Variants in UGT2B7 observed in about 807,000 individuals in gnomAD.
UGT2B7 encodes the protein UDP glucuronosyltransferase family 2 member B7, also known as UDP-glucuronosyltransferase 2B7.
In UGT2B7, 51 loss-of-function variants were observed where a neutral mutation model predicts 51.9. That is an observed-to-expected ratio of 0.98 (90% CI 0.78 to 1.24). UGT2B7 has a LOEUF of 1.24. UGT2B7 is among the 50% of genes most tolerant of loss of function. The pLI is 0.00. For missense variants in UGT2B7, 727 were observed against 628.4 expected (o/e 1.16, Z -1.68); for synonymous variants, 225 against 211.6 (o/e 1.06, Z -0.55).
At chr4:69,090,063 G>T (rs1370622898) in intron 2 of UGT2B7, among the ~76,000 whole-genome samples, 1 of 152,124 alleles carries the variant, frequency 6.6e-6, no homozygotes, top group Non-Finnish European at 1.5e-5. Flanking sequence ...TATAAAAGTA[G>T]AAGCTTAGAT....
rs1374301227 is a variant in UGT2B7, at chr4:69,063,320, A to AAAAAAAAAAAAAG, written c.-159+11730_-159+11731insGAAAAAAAAAAAA. Among the ~76,000 whole-genome samples the AAAAAAAAAAAAAG allele has an allele frequency of 2.9e-3, 393 of 136,446 alleles. 6 individuals carry two copies. The highest frequency in any genetic ancestry group is 1.0e-2 in the African/African-American group (348 of 34,952). The allele number at this position is 136,446 out of a possible 152,430, so 89.5% of individuals were successfully genotyped here. ...GGCGACAGAGCGAGACTCCGTCTCA[A>AAAAAAAAAAAAAG]AAAAAAAAAAAAAAAAAAAGAAACA... On this transcript the variant is annotated intron_variant, in intron 1 of 5. Transcript: ENST00000502942.
chr4:69,070,994 C>A (rs913472575), intron 1 of UGT2B7, among the ~76,000 whole-genome samples: 2 of 152,048 alleles, frequency 1.3e-5, no homozygotes, highest in African/African-American at 4.8e-5. Flanking sequence ...TAAAACTATG[C>A]AAACTAGTAA....
At chr4:69,084,637 G>T (rs1009380966) in intron 1 of UGT2B7, among the ~76,000 whole-genome samples, 2 of 151,786 alleles carry the variant, frequency 1.3e-5, no homozygotes, top group African/African-American at 4.8e-5. Context: ...CGCACGACAG[G>T]CCCCAGTGTG....
Position 69,102,902 on chromosome 4 carries a change from C to T in UGT2B7, c.966C>T (p.Asn322=), listed in dbSNP as rs747540766. 20 of 1,613,304 alleles carry T rather than the reference C, an allele frequency of 1.2e-5. No homozygotes were observed. The East Asian group carries it at 1.6e-4, about 13-fold the overall frequency. ...MVSNMTEERA[N]VIASALAQIP... is the part of the protein sequence containing the mutation. ...GTAACATGACAGAAGAAAGGGCCAA[C>T]GTAATTGCATCAGCCCTGGCCCAGA... Residue 322 remains asparagine (N), a synonymous_variant, in exon 3 of 6, where the codon AAC becomes AAT. Transcript: ENST00000305231.
chr4:69,078,847 A>G (rs904190730), intron 1 of UGT2B7, among the ~76,000 whole-genome samples: 2 of 152,100 alleles, frequency 1.3e-5, no homozygotes, highest in African/African-American at 4.8e-5. Context: ...TTACTGGGGC[A>G]ATAGGAGTCT....
intron 5 of UGT2B7, 119 bp downstream of exon 5, chr4:69,108,441 A>T: frequency 8.2e-7 from 1 of 1,218,572 alleles, no homozygotes; most frequent in South Asian, 1.8e-5. Context: ...AAATGATTTA[A>T]CCAATCTGAA....
At chr4:69,053,025 A>G (rs1718079136) in intron 1 of UGT2B7, among the ~76,000 whole-genome samples, 2 of 152,214 alleles carry the variant, frequency 1.3e-5, no homozygotes, top group South Asian at 4.1e-4. Flanking sequence ...TTTTCTGCGA[A>G]CTAGACATAA....
At chr4:69,084,131 A>G (rs1335359530) in intron 1 of UGT2B7, among the ~76,000 whole-genome samples, 1 of 152,098 alleles carries the variant, frequency 6.6e-6, no homozygotes, top group Admixed American at 6.6e-5. Flanking sequence ...TCTACTGATA[A>G]AATTATATGT....
rs374755484 is a variant in UGT2B7, at chr4:69,097,017, T to C, written c.497T>C (p.Ile166Thr). 6.2e-7 allele frequency: 1 copy of C among 1,613,852 alleles called. No individual in the cohort carries two copies. The highest frequency in any genetic ancestry group is 8.5e-7 in the Non-Finnish European group (1 of 1,179,802). Residue 166 changes from isoleucine to threonine, a missense_variant, in exon 1 of 6, where the codon ATA becomes ACA. Physicochemically the swap from Ile to Thr is moderately conservative, Grantham distance 89. Transcript: ENST00000305231. ...GAGCTGCTGGCTGAGCTATTTAACATACCCTTTGTGTACAGTCTCAGCTTC... is the reference window on the plus strand; with the variant it reads ...GAGCTGCTGGCTGAGCTATTTAACACACCCTTTGTGTACAGTCTCAGCTTC... The part of the protein sequence containing the change: ...CSELLAELFN[I>T]PFVYSLSFSP...
At chr4:69,066,372 C>T (rs983764233) in intron 1 of UGT2B7, 1 of 152,082 alleles carries the variant, frequency 6.6e-6, no homozygotes, top group Non-Finnish European at 1.5e-5. Flanking sequence ...GTGTTCTCAT[C>T]ATTAGGCTCC....
At chr4:69,106,916 C>T (rs1260452185) in intron 3 of UGT2B7, among the ~76,000 whole-genome samples, 1 of 150,522 alleles carries the variant, frequency 6.6e-6, no homozygotes, top group African/African-American at 2.4e-5. Flanking sequence ...AAAGGTGTAA[C>T]AATTTTTTAA....
intron 5 of UGT2B7, among the ~76,000 whole-genome samples, chr4:69,110,499 T>C (rs12642938): frequency 0.59 from 89,711 of 151,860 alleles, 27,876 homozygotes; most frequent in African/African-American, 0.77. Flanking sequence ...ATTATCAATA[T>C]TGTCCAAAAA....
rs754723956 is a variant in UGT2B7 at position 69,064,112 on chromosome 4, A to AAGAAAG, written c.-159+12511_-159+12512insGAAAGA. Among the ~76,000 whole-genome samples the AAGAAAG allele has an allele frequency of 6.0e-3, 523 of 86,468 alleles. 16 individuals carry two copies. Among genetic ancestry groups the AAGAAAG allele is most frequent in the Admixed American group, 6.6e-3 (58 of 8,796 alleles). 56.7% of individuals were successfully genotyped at this position (86,468 alleles called of 152,430 possible). On this transcript the variant is annotated intron_variant, in intron 1 of 5. Coordinates refer to the UGT2B7 transcript ENST00000502942. ...AGAAAGAAAGAGAAAGAAAGAAAGA[A>AAGAAAG]AAAGAAAGAAAGAAAGAAAGAAAGA... is the stretch of plus-strand genomic sequence containing the variant.
chr4:69,098,516 C>CTTTTT, intron 1 of UGT2B7, 24 bp from the exon 2 acceptor site: 2 of 1,474,860 alleles, frequency 1.4e-6, no homozygotes, highest in Non-Finnish European at 9.1e-7. Flanking sequence ...TGTCATCCAC[C>CTTTTT]TTTTTTTTTT....
At chr4:69,062,671 T>C (rs1176833266) in intron 1 of UGT2B7, among the ~76,000 whole-genome samples, 1 of 152,112 alleles carries the variant, frequency 6.6e-6, no homozygotes, top group African/African-American at 2.4e-5. Context: ...ACATTGCCAG[T>C]GGAGATGACA....
At chr4:69,075,667 ACC>A (rs781764845) in intron 1 of UGT2B7, among the ~76,000 whole-genome samples, 343 of 152,280 alleles carry the variant, frequency 2.3e-3, no homozygotes, top group Middle Eastern at 0.01. Context: ...GACTGAGGCT[ACC>A]CAACACTCAG....
rs56902567 is a variant in UGT2B7 at position 69,064,110 on chromosome 4, GAAAA to G, written c.-159+12510_-159+12513del. On this transcript the variant is annotated intron_variant, in intron 1 of 5. Coordinates refer to the UGT2B7 transcript ENST00000502942. ...AAAGAAAGAAAGAGAAAGAAAGAAA[GAAAA>G]AGAAAGAAAGAAAGAAAGAAAGAAA... Among the ~76,000 whole-genome samples the G allele has an allele frequency of 1.1e-3, 91 of 82,702 alleles. 3 individuals are homozygous for G. The highest frequency in any genetic ancestry group is 4.6e-3 in the African/African-American group (83 of 17,926). 54.3% of individuals were successfully genotyped at this position (82,702 alleles called of 152,430 possible).
intron 1 of UGT2B7, among the ~76,000 whole-genome samples, chr4:69,052,028 A>G (rs1718032204): frequency 6.6e-6 from 1 of 152,272 alleles, no homozygotes; most frequent in Admixed American, 6.5e-5. Context: ...AGCCCACCCC[A>G]CTGAGAACTA....
intron 1 of UGT2B7, among the ~76,000 whole-genome samples, chr4:69,084,403 C>G (rs964732400): frequency 6.8e-6 from 1 of 146,420 alleles, no homozygotes; most frequent in Non-Finnish European, 1.5e-5. Context: ...ATTTTTAAAG[C>G]ATTTACTTCT....
Sources: gnomAD v4.1 joint callset for allele counts (sites outside exome capture counted in the v4.1 genomes callset) on GRCh38, gnomAD v4.1.1 for gene constraint, MANE v1.5 for transcripts, NCBI Gene and HGNC (gene_info 2026-07-23, HGNC 2026-07-21) for gene names.